The following GJB6 variants were observed in gnomAD, a reference collection of about 807,000 sequenced individuals.
GJB6 encodes the protein gap junction beta-6 protein.
Under a neutral mutation model 5.4 loss-of-function variants are expected in GJB6, and 5 were observed. The observed-to-expected ratio is 0.92, with a 90% CI of 0.48 to 1.93. The LOEUF (loss-of-function observed/expected upper bound fraction) is 1.93, where lower values mean the gene tolerates loss of function less well. Among genes scored for constraint, GJB6 ranks in the 30% most tolerant of loss-of-function variants. The pLI is 0.01. For synonymous variants in GJB6, 136 were observed against 129.6 expected, an observed-to-expected ratio of 1.05 and a Z score of -0.34; for missense variants, 298 against 326.9, an observed-to-expected ratio of 0.91 and a Z score of 0.68.
Position 20,222,375 on chromosome 13 carries a change from A to G in GJB6, c.*320T>C, listed in dbSNP as rs1869231813. The stretch of plus-strand genomic sequence containing the variant: ...CTAATAAACGTATCAATTCCTGGAT[A>G]AATGTTCCTTATCAACAACAGTTAT... On this transcript the variant is annotated 3_prime_UTR_variant, in exon 5 of 5. Transcript: ENST00000647029. 2 of 272,708 alleles carry G rather than the reference A, an allele frequency of 7.3e-6. No individual in the cohort carries two copies. The highest frequency in any genetic ancestry group is 1.5e-4 in the South Asian group (2 of 13,220). The allele number at this position is 272,708 out of a possible 1,614,324, so 16.9% of individuals were successfully genotyped here. A position where few individuals can be genotyped will look rare whatever the true frequency, so the allele number is the denominator to read the frequency against.
At chr13:20,227,982 T>C (rs1252692473) in intron 4 of GJB6, among the ~76,000 whole-genome samples, 1 of 147,228 alleles carries the variant, frequency 6.8e-6, no homozygotes, top group African/African-American at 2.5e-5. Context: ...AGGAAGGATG[T>C]TGTGGGTTGG....
At chr13:20,223,703 C>A (rs530865708) in intron 4 of GJB6, among the ~76,000 whole-genome samples, 1 of 152,076 alleles carries the variant, frequency 6.6e-6, no homozygotes, top group Non-Finnish European at 1.5e-5. Context: ...TGGTGGCTCA[C>A]GCCTGGAAAC....
chr13:20,223,579 CTTTAT>C (rs1411125587), intron 4 of GJB6, 84 bp from the exon 5 acceptor site: 1 of 1,062,032 alleles, frequency 9.4e-7, no homozygotes, highest in Non-Finnish European at 1.5e-6. Flanking sequence ...CTGAAGCCAA[CTTTAT>C]TTTAAGGTAG....
chr13:20,225,691 G>T (rs1869528843), intron 4 of GJB6: 1 of 152,122 alleles, frequency 6.6e-6, no homozygotes, highest in Non-Finnish European at 1.5e-5. Context: ...AAACGTATAT[G>T]TGTGAACTGG....
At position 20,222,925 on chromosome 13, in the gene GJB6, T is replaced by C. The variant is rs772181578; in HGVS notation, c.556A>G (p.Thr186Ala). The C allele has an allele frequency of 1.9e-6, 3 of 1,614,142 alleles. No homozygotes were observed. Among genetic ancestry groups the C allele is most frequent in the East Asian group, 4.5e-5 (2 of 44,880 alleles). Residue 186 changes from threonine to alanine, a missense_variant, in exon 5 of 5, where the codon ACA becomes GCA. Thr to Ala is a moderately conservative substitution (Grantham distance 58). Coordinates refer to ENST00000647029, the MANE Select transcript of GJB6 (RefSeq NM_001110219.3). Reference protein sequence around the residue: ...NLVDCFISRPTEKTVFTIFMI... With the variant: ...NLVDCFISRPAEKTVFTIFMI... ...AAAATGGTAAACACGGTCTTCTCTG[T>C]TGGCCTAGAAATAAAGCAGTCAACA...
In GJB6 at chr13:20,223,014, A is replaced by T; in HGVS notation, c.467T>A (p.Phe156Tyr). 3.1e-6 allele frequency: 5 copies of T among 1,614,188 alleles called. No individual in the cohort carries two copies. The highest frequency in any genetic ancestry group is 4.2e-6 in the Non-Finnish European group (5 of 1,180,014). ...GGGCAGGTGGTACCCATTGTAAAGG[A>T]AGTAAAACACATACATAAAGGCTGC... ...FEAAFMYVFY[F>Y]LYNGYHLPWV... The change falls in exon 5 of 5, where the codon TTC (phenylalanine) becomes TAC (tyrosine). Residue 156 changes from phenylalanine (F) to tyrosine (Y), a missense_variant. Phe to Tyr is a conservative substitution (Grantham distance 22, BLOSUM62 3). Coordinates refer to ENST00000647029, the MANE Select transcript of GJB6 (RefSeq NM_001110219.3).
Position 20,223,007 on chromosome 13 carries a change from G to A in GJB6, c.474C>T (p.Tyr158=). The A allele has an allele frequency of 6.2e-7, 1 of 1,614,170 alleles. No individual in the cohort carries two copies. Among genetic ancestry groups the A allele is most frequent in the South Asian group, 1.1e-5 (1 of 91,074 alleles). ...AAFMYVFYFL[Y]NGYHLPWVLK... ...ACACCCAGGGCAGGTGGTACCCATT[G>A]TAAAGGAAGTAAAACACATACATAA... The change falls in exon 5 of 5, where the codon TAC becomes TAT. Residue 158 remains tyrosine, a synonymous_variant. Coordinates refer to ENST00000647029, the MANE Select transcript of GJB6 (RefSeq NM_001110219.3).
At chr13:20,226,402 G>A (rs1373032207) in intron 4 of GJB6, among the ~76,000 whole-genome samples, 1 of 152,090 alleles carries the variant, frequency 6.6e-6, no homozygotes, top group East Asian at 1.9e-4. Context: ...AATGCACAGG[G>A]GACTCCTCTG....
At chr13:20,224,228 A>C (rs936010926) in intron 4 of GJB6, among the ~76,000 whole-genome samples, 4 of 152,162 alleles carry the variant, frequency 2.6e-5, no homozygotes, top group African/African-American at 7.2e-5. Flanking sequence ...GGGAAAAAAA[A>C]CTTTCATTGG....
intron 4 of GJB6, among the ~76,000 whole-genome samples, chr13:20,224,808 G>A (rs1019915009): frequency 1.3e-5 from 2 of 152,084 alleles, no homozygotes; most frequent in Non-Finnish European, 2.9e-5. Flanking sequence ...ACAGGCTGTC[G>A]GGGCATGAGG....
intron 4 of GJB6, among the ~76,000 whole-genome samples, chr13:20,228,364 T>C (rs1178903596): frequency 6.6e-6 from 1 of 152,264 alleles, no homozygotes; most frequent in Non-Finnish European, 1.5e-5. Flanking sequence ...CTTCAACTTC[T>C]AAGAATGTGA....
Position 20,229,694 on chromosome 13 carries a change from A to G in GJB6, c.-130T>C, listed in dbSNP as rs1421672891. 2.0e-5 allele frequency: 3 copies of G among 151,566 alleles called. No individual in the cohort carries two copies. The highest frequency in any genetic ancestry group is 2.4e-5 in the African/African-American group (1 of 41,290). The allele number at this position is 151,566 out of a possible 1,614,324, so 9.4% of individuals were successfully genotyped here. On this transcript the variant is annotated 5_prime_UTR_variant, in exon 4 of 5. Coordinates refer to ENST00000647029, the MANE Select transcript of GJB6 (RefSeq NM_001110219.3). ...ACCCCACTGGAGTGCCTAGAAGCCA[A>G]TGGTGCACAGTGATGATACGAATGT...
In GJB6 at chr13:20,222,780, T is replaced by C. The variant is rs758984964; in HGVS notation, c.701A>G (p.His234Arg). ...RAQTQKNHPNHALKESKQNEM... is the reference protein window; with the variant it reads ...RAQTQKNHPNRALKESKQNEM... Reference sequence around the variant, plus strand: ...ATTCTGCTTACTCTCCTTTAGGGCATGATTGGGGTGATTTTTTTGCGTCTG... The same window carrying C: ...ATTCTGCTTACTCTCCTTTAGGGCACGATTGGGGTGATTTTTTTGCGTCTG... The change falls in exon 5 of 5, where the codon CAT becomes CGT. Residue 234 changes from histidine to arginine, a missense_variant. Coordinates refer to ENST00000647029, the MANE Select transcript of GJB6 (RefSeq NM_001110219.3). The C allele has an allele frequency of 1.2e-6, 2 of 1,613,990 alleles. No individual in the cohort carries two copies. Among genetic ancestry groups the C allele is most frequent in the Non-Finnish European group, 1.7e-6 (2 of 1,179,850 alleles).
chr13:20,226,645 A>T (rs1869598634), intron 4 of GJB6, among the ~76,000 whole-genome samples: 1 of 152,236 alleles, frequency 6.6e-6, no homozygotes. Flanking sequence ...TCAAAATGTG[A>T]CCAGTGAGGA....
chr13:20,224,958 G>A (rs1441896990), intron 4 of GJB6, among the ~76,000 whole-genome samples: 1 of 152,078 alleles, frequency 6.6e-6, no homozygotes, highest in Non-Finnish European at 1.5e-5. Context: ...TCTGCATTAC[G>A]CTGGCTGCTC....
At position 20,222,831 on chromosome 13, in the gene GJB6, A is replaced by T. The variant is rs774580284; in HGVS notation, c.650T>A (p.Val217Glu). Residue 217 changes from valine to glutamate, a missense_variant, in exon 5 of 5, where the codon GTG (valine) becomes GAG (glutamate). Val to Glu is a moderately radical substitution (Grantham distance 121, BLOSUM62 -2). Coordinates refer to ENST00000647029, the MANE Select transcript of GJB6 (RefSeq NM_001110219.3). ...VAELCYLLLKVCFRRSKRAQT... is the reference protein window; with the variant it reads ...VAELCYLLLKECFRRSKRAQT... Reference sequence around the variant, plus strand: ...TGCTCTCTTTGATCTCCTAAAACACACTTTCAGCAGCAGGTAGCACAACTC... The same window carrying T: ...TGCTCTCTTTGATCTCCTAAAACACTCTTTCAGCAGCAGGTAGCACAACTC... The T allele has an allele frequency of 3.7e-6, 6 of 1,614,136 alleles. No individual in the cohort carries two copies. The highest frequency in any genetic ancestry group is 5.1e-6 in the Non-Finnish European group (6 of 1,180,038).
Position 20,227,710 on chromosome 13 carries a change from G to A in GJB6, c.-16+1870C>T, listed in dbSNP as rs111688478. ...CAGGCCAACAGCCAGGGAGAAGAGA[G>A]CTCCCCTCGCAAGTGTCAAGAGATA... On this transcript the variant is annotated intron_variant, in intron 4 of 4. Coordinates refer to ENST00000647029, the MANE Select transcript of GJB6 (RefSeq NM_001110219.3). 9.2e-3 allele frequency among the ~76,000 whole-genome samples: 1,408 copies of A among 152,336 alleles called. 34 individuals carry two copies. The highest frequency in any genetic ancestry group is 0.031 in the African/African-American group (1,281 of 41,578).
In GJB6 at chr13:20,222,374, T is replaced by C. The variant is rs1869231621; in HGVS notation, c.*321A>G. 3.7e-6 allele frequency: 1 copy of C among 271,830 alleles called. No individual in the cohort carries two copies. Among genetic ancestry groups the C allele is most frequent in the Non-Finnish European group, 7.0e-6 (1 of 143,488 alleles). The allele number at this position is 271,830 out of a possible 1,614,324, so 16.8% of individuals were successfully genotyped here. A position where few individuals can be genotyped will look rare whatever the true frequency, so the allele number is the denominator to read the frequency against. ...CCTAATAAACGTATCAATTCCTGGATAAATGTTCCTTATCAACAACAGTTA... is the reference window on the plus strand; with the variant it reads ...CCTAATAAACGTATCAATTCCTGGACAAATGTTCCTTATCAACAACAGTTA... On this transcript the variant is annotated 3_prime_UTR_variant, in exon 5 of 5. Coordinates refer to ENST00000647029, the MANE Select transcript of GJB6 (RefSeq NM_001110219.3).
At chr13:20,226,378 G>T (rs1210351055) in intron 4 of GJB6, among the ~76,000 whole-genome samples, 1 of 152,076 alleles carries the variant, frequency 6.6e-6, no homozygotes, top group Non-Finnish European at 1.5e-5. Flanking sequence ...GGCTGTGTGA[G>T]TGTCTGCTGG....
Sources: gnomAD v4.1 joint callset for allele counts (sites outside exome capture counted in the v4.1 genomes callset) on GRCh38, gnomAD v4.1.1 for gene constraint, MANE v1.5 for transcripts, NCBI Gene and HGNC (gene_info 2026-07-23, HGNC 2026-07-21) for gene names.